The following NPC1 variants were observed in gnomAD, a reference collection of about 807,000 sequenced individuals.
NPC1 encodes NPC intracellular cholesterol transporter 1.
Under a neutral mutation model 140.4 loss-of-function variants are expected in NPC1, and 85 were observed. The ratio of observed to expected loss-of-function variants is 0.61; its 90% CI spans 0.51 to 0.72. The LOEUF is 0.72. Among genes scored for constraint, NPC1 ranks in the 30% least tolerant of loss-of-function variants. The pLI, the probability that NPC1 is intolerant of heterozygous loss-of-function variation, is 0.00. For missense variants in NPC1, 1,504 were observed against 1,623.8 expected (o/e 0.93, Z 1.27); for synonymous variants, 656 against 624.8 (o/e 1.05, Z -0.74).
chr18:23,582,620 T>C (rs1468113438), intron 1 of NPC1, among the ~76,000 whole-genome samples: 1 of 150,636 alleles, frequency 6.6e-6, no homozygotes, highest in Non-Finnish European at 1.5e-5. Flanking sequence ...CTGGGCAAGC[T>C]GGCAAAACCC....
chr18:23,560,956 C>T (rs981310480), intron 5 of NPC1, among the ~76,000 whole-genome samples: 3 of 152,234 alleles, frequency 2.0e-5, no homozygotes, highest in Admixed American at 2.0e-4. Context: ...AAACTATGAA[C>T]TAGTTACCTG....
At chr18:23,517,598 CT>C (rs2145196788), downstream of NPC1, among the ~76,000 whole-genome samples, 1 of 152,310 alleles carries the variant, frequency 6.6e-6, no homozygotes, top group East Asian at 1.9e-4. Context: ...TTCTAAGTTA[CT>C]TCTGATTCTT....
At chr18:23,512,534 C>T (rs2057889458) in intron 3 of NPC1, among the ~76,000 whole-genome samples, 1 of 152,056 alleles carries the variant, frequency 6.6e-6, no homozygotes, top group Non-Finnish European at 1.5e-5. Flanking sequence ...AGTCCTCCCA[C>T]CTCAGCTTCC....
In NPC1 at chr18:23,513,281, T is replaced by A. The variant is rs559293692; in HGVS notation, c.432-6639A>T. ...ATTTGATTACCTTTTATACTTCATA[T>A]AAGTGAAATTATACAGTATTTGTCC... On this transcript the variant is annotated intron_variant, in intron 3 of 3. Transcript: ENST00000591107. 3.5e-4 allele frequency among the ~76,000 whole-genome samples: 54 copies of A among 152,376 alleles called. No individual in the cohort carries two copies. The South Asian group carries it at 8.7e-3, about 25-fold the overall frequency.
In NPC1 at chr18:23,534,126, A is replaced by G. The variant is rs112921517; in HGVS notation, c.3591+320T>C. Reference sequence around the variant, plus strand: ...GTTGAACCAAGACGACTCTCCAGGCACCAACCGCACATCACACGCTGGGTT... The same window carrying G: ...GTTGAACCAAGACGACTCTCCAGGCGCCAACCGCACATCACACGCTGGGTT... On this transcript the variant is annotated intron_variant, in intron 23 of 24. Coordinates refer to ENST00000269228, the MANE Select transcript of NPC1 (RefSeq NM_000271.5). The G allele has an allele frequency of 1.4e-3, 694 of 490,972 alleles. 10 individuals are homozygous for G. Among genetic ancestry groups the G allele is most frequent in the South Asian group, 0.014 (677 of 48,442 alleles). The allele number at this position is 490,972 out of a possible 1,614,324, so 30.4% of individuals were successfully genotyped here.
downstream of NPC1, among the ~76,000 whole-genome samples, chr18:23,525,945 A>G (rs1004525722): frequency 2.6e-5 from 4 of 152,198 alleles, no homozygotes; most frequent in Non-Finnish European, 4.4e-5. Flanking sequence ...TCTGTAACCC[A>G]TAGCCTCATG....
At chr18:23,557,880 G>A (rs1315445945) in intron 6 of NPC1, among the ~76,000 whole-genome samples, 1 of 152,228 alleles carries the variant, frequency 6.6e-6, no homozygotes, top group Non-Finnish European at 1.5e-5. Flanking sequence ...CAGGGAATAT[G>A]TAAGATAAAG....
chr18:23,583,317 A>T (rs1023633870), intron 1 of NPC1, among the ~76,000 whole-genome samples: 1 of 152,194 alleles, frequency 6.6e-6, no homozygotes, highest in African/African-American at 2.4e-5. Flanking sequence ...CTTACCCAAG[A>T]TCACTCTTGG....
In NPC1 at chr18:23,524,195, G is replaced by T. The variant is rs761042685; in HGVS notation, c.164-1289C>A. ...ACTCTGTATCCTTTACTAAGGTGTG[G>T]CACCGTGCACAACAGGGCAAGTGGT... is the stretch of plus-strand genomic sequence containing the variant. On this transcript the variant is annotated intron_variant, in intron 1 of 1. Transcript: ENST00000590723. The T allele has an allele frequency of 1.9e-6, 3 of 1,612,420 alleles. No individual in the cohort carries two copies. In the East Asian group the frequency reaches 6.7e-5, roughly 36 times the overall value.
chr18:23,562,756 G>C (rs1217251467), intron 4 of NPC1, among the ~76,000 whole-genome samples: 2 of 152,018 alleles, frequency 1.3e-5, no homozygotes, highest in African/African-American at 4.8e-5. Context: ...GGAGGCCCTG[G>C]TGGGTGGACT....
At chr18:23,536,652 T>C (rs775464098) in intron 21 of NPC1, 21 bp downstream of exon 21, 26 of 1,606,190 alleles carry the variant, frequency 1.6e-5, no homozygotes, top group South Asian at 7.8e-5. Context: ...GTAAACCCCA[T>C]TGAAAAAGGG....
chr18:23,533,089 C>A, intron 24 of NPC1: 1 of 637,248 alleles, frequency 1.6e-6, no homozygotes, highest in Non-Finnish European at 2.4e-6. Flanking sequence ...CAGATCCATT[C>A]AAGGACTGGC....
intron 1 of NPC1, chr18:23,576,492 G>C: frequency 1.0e-6 from 1 of 987,208 alleles, no homozygotes; most frequent in African/African-American, 1.7e-5. Context: ...AAGCACTGGC[G>C]GTGTCCTAGG....
intron 1 of NPC1, among the ~76,000 whole-genome samples, chr18:23,577,806 C>T (rs529582308): frequency 4.6e-5 from 7 of 152,376 alleles, no homozygotes; most frequent in East Asian, 1.9e-4. Flanking sequence ...AGCGAGAAAT[C>T]GAGCGCAGCG....
In NPC1 at chr18:23,539,345, G is replaced by A. The variant is rs370382673; in HGVS notation, c.2911+10C>T. 1.1e-5 allele frequency: 18 copies of A among 1,583,884 alleles called. No individual in the cohort carries two copies. In the African/African-American group the frequency reaches 2.4e-4, roughly 21 times the overall value. On this transcript the variant is annotated intron_variant, in intron 19 of 24. Coordinates refer to ENST00000269228, the MANE Select transcript of NPC1 (RefSeq NM_000271.5). ...GCAAAACAGGAAAGATTTGGTAAAG[G>A]AGAAGGTACCTGAAGCATTGCAGAA...
intron 23 of NPC1, chr18:23,534,072 TAA>T (rs1366432071): frequency 4.9e-6 from 2 of 407,730 alleles, no homozygotes; most frequent in African/African-American, 4.1e-5. Flanking sequence ...TCTACAGTGG[TAA>T]AGAGATAGGC....
downstream of NPC1, among the ~76,000 whole-genome samples, chr18:23,519,712 G>T (rs1339943693): frequency 6.6e-6 from 1 of 152,196 alleles, no homozygotes; most frequent in East Asian, 1.9e-4. Flanking sequence ...CTTGGAAGAA[G>T]GTGGGAATCC....
downstream of NPC1, among the ~76,000 whole-genome samples, chr18:23,530,878 T>C (rs138877542): frequency 1.6e-4 from 24 of 152,286 alleles, no homozygotes; most frequent in East Asian, 3.5e-3. Context: ...CCATCTCTTA[T>C]AGCAGATCTT....
intron 14 of NPC1, among the ~76,000 whole-genome samples, chr18:23,542,689 A>G (rs1031882629): frequency 2.6e-5 from 4 of 152,218 alleles, no homozygotes; most frequent in African/African-American, 9.6e-5. Context: ...TGCTTCCCCA[A>G]TGAGTTGTGT....
Sources: allele counts gnomAD v4.1 joint callset (sites outside exome capture counted in the v4.1 genomes callset), GRCh38; gene constraint gnomAD v4.1.1; transcripts MANE v1.5; gene names NCBI Gene and HGNC (gene_info 2026-07-23, HGNC 2026-07-21).